Variants in PHF24 observed in about 807,000 individuals in gnomAD.
PHF24 encodes Galpha inhibitory interacting protein.
Under a neutral mutation model 42.6 loss-of-function variants are expected in PHF24, and 25 were observed. That is an observed-to-expected ratio of 0.59 (90% confidence interval 0.43 to 0.82). The LOEUF (loss-of-function observed/expected upper bound fraction) is 0.82. Ranked by LOEUF, PHF24 falls within the 40% of genes least tolerant of loss-of-function variation. The pLI is 0.00. For synonymous variants in PHF24, 185 were observed against 204.8 expected, an observed-to-expected ratio of 0.90 and a Z score of 0.83; for missense variants, 470 against 538.1, an observed-to-expected ratio of 0.87 and a Z score of 1.25.
the PHF24 span, among the ~76,000 whole-genome samples, chr9:34,796,162 G>T: frequency 6.6e-6 from 1 of 151,962 alleles, no homozygotes; most frequent in Admixed American, 6.6e-5. Context: ...TATACATGTG[G>T]TCATCCATAT....
chr9:34,895,231 A>AC, the PHF24 span: 6 of 395,722 alleles, frequency 1.5e-5, no homozygotes, highest in African/African-American at 2.1e-5. Context: ...ATTCTTTTTC[A>AC]CCCCAAGAGT....
chr9:34,800,972 G>GA, the PHF24 span, among the ~76,000 whole-genome samples: 39 of 149,698 alleles, frequency 2.6e-4, no homozygotes, highest in Middle Eastern at 3.5e-3. Context: ...AAATTTACAA[G>GA]AAAAAAAAAC....
At chr9:34,808,487 G>GT in the PHF24 span, among the ~76,000 whole-genome samples, 1 of 152,116 alleles carries the variant, frequency 6.6e-6, no homozygotes, top group Non-Finnish European at 1.5e-5. Context: ...GCAAAATATA[G>GT]TATTGCCTTA....
the PHF24 span, among the ~76,000 whole-genome samples, chr9:34,900,393 G>C: frequency 6.6e-6 from 1 of 152,130 alleles, no homozygotes; most frequent in African/African-American, 2.4e-5. Flanking sequence ...GAGCTCAAGA[G>C]TTCAAGACCA....
At chr9:34,763,052 T>G in the PHF24 span, among the ~76,000 whole-genome samples, 1 of 152,224 alleles carries the variant, frequency 6.6e-6, no homozygotes, top group African/African-American at 2.4e-5. Context: ...GTTCCATTGA[T>G]CTATATCTCT....
the PHF24 span, among the ~76,000 whole-genome samples, chr9:34,751,582 G>T: frequency 6.6e-6 from 1 of 152,104 alleles, no homozygotes; most frequent in African/African-American, 2.4e-5. Flanking sequence ...GAGAGAGATA[G>T]ATCCCAGTAT....
At chr9:34,865,618 T>C in the PHF24 span, among the ~76,000 whole-genome samples, 1 of 152,054 alleles carries the variant, frequency 6.6e-6, no homozygotes, top group Admixed American at 6.6e-5. Flanking sequence ...AGCTTCATGG[T>C]AGTAACCTCA....
At chr9:34,932,172 C>CT in the PHF24 span, among the ~76,000 whole-genome samples, 3 of 152,150 alleles carry the variant, frequency 2.0e-5, no homozygotes, top group East Asian at 1.9e-4. Context: ...TCTGTACCTG[C>CT]TTTTTTCAAC....
chr9:34,874,217 C>T, the PHF24 span, among the ~76,000 whole-genome samples: 2 of 152,100 alleles, frequency 1.3e-5, no homozygotes, highest in African/African-American at 4.8e-5. Flanking sequence ...CCCTGGCCAG[C>T]ACTTCCAACA....
the PHF24 span, among the ~76,000 whole-genome samples, chr9:34,802,711 C>T: frequency 6.6e-6 from 1 of 152,172 alleles, no homozygotes; most frequent in Non-Finnish European, 1.5e-5. Flanking sequence ...CTCAAGTAGT[C>T]AAGAAATTCC....
At chr9:34,976,558 T>C (rs1827192881) in exon 5 of PHF24, 1 of 1,613,628 alleles carries the variant, frequency 6.2e-7, no homozygotes, top group Non-Finnish European at 8.5e-7. Flanking sequence ...ACTGGAGGAC[T>C]TTCTGCGTTA....
chr9:34,743,998 C>T, the PHF24 span, among the ~76,000 whole-genome samples: 6 of 152,166 alleles, frequency 3.9e-5, no homozygotes, highest in Non-Finnish European at 2.9e-5. Flanking sequence ...TGGTAACTAA[C>T]CTGCTCCTGT....
chr9:34,751,248 C>A, the PHF24 span, among the ~76,000 whole-genome samples: 1 of 152,098 alleles, frequency 6.6e-6, no homozygotes, highest in African/African-American at 2.4e-5. Flanking sequence ...GCCTATAATT[C>A]CAGATACTTG....
At chr9:34,690,564 C>A in the PHF24 span, among the ~76,000 whole-genome samples, 7 of 151,574 alleles carry the variant, frequency 4.6e-5, no homozygotes, top group African/African-American at 1.7e-4. Context: ...TGTCATACTT[C>A]TAAACTGTTT....
chr9:34,786,825 CCCGGTTGA>C, the PHF24 span, among the ~76,000 whole-genome samples: 1 of 152,146 alleles, frequency 6.6e-6, no homozygotes, highest in African/African-American at 2.4e-5. Context: ...CAGGGGATAA[CCCGGTTGA>C]CTCGTTTTTT....
the PHF24 span, among the ~76,000 whole-genome samples, chr9:34,930,103 G>A: frequency 6.6e-6 from 1 of 152,180 alleles, no homozygotes; most frequent in Non-Finnish European, 1.5e-5. Context: ...AAATAGAGAA[G>A]AAAAATTGTT....
chr9:34,886,979 T>C, the PHF24 span, among the ~76,000 whole-genome samples: 3 of 152,078 alleles, frequency 2.0e-5, no homozygotes, highest in African/African-American at 7.2e-5. Flanking sequence ...ACAATACAAA[T>C]GTGAACTCCT....
the PHF24 span, among the ~76,000 whole-genome samples, chr9:34,847,826 G>C: frequency 3.9e-5 from 6 of 152,096 alleles, no homozygotes; most frequent in Non-Finnish European, 7.4e-5. Flanking sequence ...GTTGAATTTT[G>C]TCAAAGACCT....
chr9:34,887,107 T>G, the PHF24 span, among the ~76,000 whole-genome samples: 1 of 152,174 alleles, frequency 6.6e-6, no homozygotes, highest in African/African-American at 2.4e-5. Context: ...AAAACTTTGG[T>G]GCCATCCTTG....
Sources: allele counts gnomAD v4.1 joint callset (sites outside exome capture counted in the v4.1 genomes callset), GRCh38; gene constraint gnomAD v4.1.1; transcripts MANE v1.5; gene names NCBI Gene and HGNC (gene_info 2026-07-23, HGNC 2026-07-21).